Variants in PDE11A observed in about 807,000 individuals in gnomAD.
The protein encoded by PDE11A is phosphodiesterase 11A.
In PDE11A, 100 loss-of-function variants were observed where a neutral mutation model predicts 100.5. The ratio of observed to expected loss-of-function variants is 1.00; its 90% CI spans 0.85 to 1.18. The LOEUF (loss-of-function observed/expected upper bound fraction) is 1.18. Among genes scored for constraint, PDE11A ranks in the 50% most tolerant of loss-of-function variants. The probability of loss-of-function intolerance (pLI) is 0.00; values close to 1 mark genes in which losing one functional copy is unlikely to be tolerated. For missense variants in PDE11A, 1,141 were observed against 1,152.6 expected, an observed-to-expected ratio of 0.99 and a Z score of 0.15; for synonymous variants, 381 against 420.8, an observed-to-expected ratio of 0.91 and a Z score of 1.16.
chr2:177,762,336 C>T (rs191731827), intron 10 of PDE11A, among the ~76,000 whole-genome samples: 1 of 152,256 alleles, frequency 6.6e-6, no homozygotes, highest in East Asian at 1.9e-4. Context: ...AAGTGAGGGA[C>T]TACGTGTTCT....
chr2:177,779,851 T>C (rs889752985), intron 9 of PDE11A, among the ~76,000 whole-genome samples: 1 of 152,236 alleles, frequency 6.6e-6, no homozygotes, highest in African/African-American at 2.4e-5. Flanking sequence ...TTAATGGCAT[T>C]TAGAATGGTG....
chr2:177,680,895 G>A lies in PDE11A; in HGVS notation c.2354C>T (p.Thr785Ile), dbSNP rs200101345. 33 of 1,557,194 alleles carry A rather than the reference G, an allele frequency of 2.1e-5. No individual in the cohort carries two copies. In the Admixed American group the frequency reaches 4.8e-4, roughly 23 times the overall value. ...TTTACTGACAAGTTCAAAGAATTCA[G>A]TTCTCCTCCTGCAGGAAAATCAAAT... ...TDLTLYFERR[T>I]EFFELVSKGE... Residue 785 changes from threonine (T) to isoleucine (I), a missense_variant, in exon 16 of 20, where the codon ACT (threonine) becomes ATT (isoleucine). Thr to Ile is a moderately conservative substitution (Grantham distance 89, BLOSUM62 -1). Coordinates refer to ENST00000286063, the MANE Select transcript of PDE11A (RefSeq NM_016953.4).
chr2:177,997,824 T>C (rs2086096049), intron 2 of PDE11A: 16 of 1,330,030 alleles, frequency 1.2e-5, no homozygotes, highest in Non-Finnish European at 1.7e-5. Context: ...GGGGCATGTA[T>C]TCCAATAACT....
chr2:178,051,733 C>T (rs1316738432), intron 1 of PDE11A, among the ~76,000 whole-genome samples: 3 of 152,124 alleles, frequency 2.0e-5, no homozygotes, highest in Admixed American at 2.0e-4. Context: ...ATAAAACAGA[C>T]TTTAAACCAA....
intron 19 of PDE11A, among the ~76,000 whole-genome samples, chr2:177,635,102 A>G (rs904430290): frequency 1.3e-5 from 2 of 152,226 alleles, no homozygotes; most frequent in African/African-American, 4.8e-5. Flanking sequence ...CAGTGCGTGC[A>G]CAACCTCCCA....
chr2:178,050,959 C>G (rs931974625), intron 1 of PDE11A, among the ~76,000 whole-genome samples: 2 of 152,164 alleles, frequency 1.3e-5, no homozygotes, highest in East Asian at 3.9e-4. Flanking sequence ...GAGAACTTCC[C>G]CAACCTAGCA....
chr2:177,853,845 T>A, intron 5 of PDE11A, among the ~76,000 whole-genome samples: 1 of 144,618 alleles, frequency 6.9e-6, no homozygotes, highest in Non-Finnish European at 1.5e-5. Flanking sequence ...TATATCTATA[T>A]ATGTGTATAT....
chr2:177,709,786 G>T (rs909654285), intron 13 of PDE11A, among the ~76,000 whole-genome samples: 1 of 152,062 alleles, frequency 6.6e-6, no homozygotes, highest in Non-Finnish European at 1.5e-5. Flanking sequence ...AGGAGGGAGC[G>T]ACAAAGTATA....
Position 178,051,981 on chromosome 2 carries a change from A to C in PDE11A, c.912+19545T>G, listed in dbSNP as rs1240779159. ...AGACAGAAAGTTAACAAGGATACCC[A>C]GGAATTGAACTCAGCTCTGCACCAA... On this transcript the variant is annotated intron_variant, in intron 1 of 19. Transcript: ENST00000286063. Among the ~76,000 whole-genome samples the C allele has an allele frequency of 2.0e-5, 3 of 152,174 alleles. No individual in the cohort carries two copies. The East Asian group carries it at 5.8e-4, about 29-fold the overall frequency.
chr2:177,950,664 C>T (rs2105782605), intron 2 of PDE11A, among the ~76,000 whole-genome samples: 1 of 152,324 alleles, frequency 6.6e-6, no homozygotes, highest in Non-Finnish European at 1.5e-5. Flanking sequence ...GTAATCCCAG[C>T]ACTTTGGGAG....
At chr2:177,946,571 G>A (rs1574299723) in intron 2 of PDE11A, among the ~76,000 whole-genome samples, 3 of 77,124 alleles carry the variant, frequency 3.9e-5, no homozygotes, top group Admixed American at 1.1e-4. Context: ...GCCTCTGCCC[G>A]GCCGCCCCTA....
intron 1 of PDE11A, among the ~76,000 whole-genome samples, chr2:178,032,027 A>C (rs569561301): frequency 6.6e-6 from 1 of 152,308 alleles, no homozygotes; most frequent in African/African-American, 2.4e-5. Flanking sequence ...AAACCCATGC[A>C]CATATAGAAA....
chr2:177,829,894 T>G lies in PDE11A; in HGVS notation c.1501-9599A>C, dbSNP rs560078419. 3.3e-5 allele frequency among the ~76,000 whole-genome samples: 5 copies of G among 152,230 alleles called. No individual in the cohort carries two copies. The South Asian group carries it at 1.0e-3, about 32-fold the overall frequency. On this transcript the variant is annotated intron_variant, in intron 6 of 19. Transcript: ENST00000286063. Reference sequence around the variant, plus strand: ...TATGTTAGCACGGTCACTTCCCTGGTGATGTTACGTTACATGGCAAAGACG... The same window carrying G: ...TATGTTAGCACGGTCACTTCCCTGGGGATGTTACGTTACATGGCAAAGACG...
intron 2 of PDE11A, among the ~76,000 whole-genome samples, chr2:177,959,276 T>C (rs1306550670): frequency 2.0e-5 from 3 of 152,100 alleles, no homozygotes; most frequent in Admixed American, 6.6e-5. Context: ...GACGGAAAGG[T>C]GTCTCAAAGG....
At chr2:177,758,056 G>A (rs1014476303) in intron 10 of PDE11A, among the ~76,000 whole-genome samples, 6 of 151,608 alleles carry the variant, frequency 4.0e-5, no homozygotes, top group African/African-American at 1.5e-4. Flanking sequence ...CAGCACTTTC[G>A]GAGGCCGAAG....
At chr2:177,805,190 G>A (rs138948416) in intron 9 of PDE11A, among the ~76,000 whole-genome samples, 24 of 152,030 alleles carry the variant, frequency 1.6e-4, no homozygotes, top group African/African-American at 5.5e-4. Context: ...AGGAATTATT[G>A]TTTTAAATAT....
chr2:177,727,655 T>C lies in PDE11A; in HGVS notation c.2043+3A>G. ...ATCTTCCACCATCACTAAGCACACTTACGGTTAACATCGCGAACATCAGCT... is the reference window on the plus strand; with the variant it reads ...ATCTTCCACCATCACTAAGCACACTCACGGTTAACATCGCGAACATCAGCT... On this transcript the variant is annotated splice_donor_region_variant and intron_variant, in intron 12 of 19. Transcript: ENST00000286063. The C allele has an allele frequency of 6.5e-7, 1 of 1,535,460 alleles. No homozygotes were observed. The highest frequency in any genetic ancestry group is 9.0e-7 in the Non-Finnish European group (1 of 1,108,298).
rs374570863 is a variant in PDE11A, at chr2:177,817,869, G to A, written c.1633C>T (p.Arg545Ter). 1.2e-4 allele frequency: 182 copies of A among 1,505,774 alleles called. 1 individual carries two copies. Among genetic ancestry groups the A allele is most frequent in the South Asian group, 8.6e-4 (76 of 88,844 alleles). 93.3% of individuals were successfully genotyped at this position (1,505,774 alleles called of 1,614,324 possible). The change falls in exon 8 of 20, where the codon CGA becomes TGA. Residue 545 changes from arginine (R) to a stop codon, truncating the protein, a stop_gained. Transcript: ENST00000286063. LOFTEE classifies it high-confidence loss of function. Reference protein sequence around the residue: ...DGKPFDDADQRLFEAFVIFCG... With the variant: ...DGKPFDDADQ The stretch of plus-strand genomic sequence containing the variant: ...ATTTATTTTCTTACCTCAAAAAGTC[G>A]TTGATCTGCATCATCAAAAGGTTTC...
At chr2:177,761,922 C>T (rs958216168) in intron 10 of PDE11A, among the ~76,000 whole-genome samples, 6 of 152,138 alleles carry the variant, frequency 3.9e-5, no homozygotes, top group Non-Finnish European at 4.4e-5. Flanking sequence ...AGATACTAAA[C>T]TTTGTGAGCT....
Sources: allele counts gnomAD v4.1 joint callset (sites outside exome capture counted in the v4.1 genomes callset), GRCh38; gene constraint gnomAD v4.1.1; transcripts MANE v1.5; gene names NCBI Gene and HGNC (gene_info 2026-07-23, HGNC 2026-07-21).